Variants in STRN observed in about 807,000 individuals in gnomAD.
STRN encodes protein phosphatase 2 regulatory subunit B'''alpha.
STRN carries 53 observed loss-of-function variants against 96.3 expected under a neutral mutation model. The ratio of observed to expected loss-of-function variants is 0.55; its 90% CI spans 0.44 to 0.69. The LOEUF is 0.69. Among genes scored for constraint, STRN ranks in the 30% least tolerant of loss-of-function variants. The pLI is 0.00. For missense variants in STRN, 987 were observed against 963.9 expected (o/e 1.02, Z -0.32); for synonymous variants, 428 against 355.9 (o/e 1.20, Z -2.28).
intron 10 of STRN, among the ~76,000 whole-genome samples, chr2:36,876,118 A>G (rs1243860077): frequency 1.3e-5 from 2 of 151,856 alleles, no homozygotes; most frequent in Non-Finnish European, 2.9e-5. Flanking sequence ...AAAATAAAGG[A>G]AAGTACCTGG....
chr2:36,850,964 TGCTTTAATAAAAATCAA>T lies in STRN; in HGVS notation c.2086+19_2086+35del. ...ACTTGTGGTAGGGATTTTTTTTTTT[TGCTTTAATAAAAATCAA>T]TTCTTAATAAATTCTTACCTGTATT... On this transcript the variant is annotated intron_variant, in intron 16 of 17. Coordinates refer to ENST00000263918, the MANE Select transcript of STRN (RefSeq NM_003162.4). 2 of 1,524,682 alleles carry T rather than the reference TGCTTTAATAAAAATCAA, an allele frequency of 1.3e-6. No homozygotes were observed. Among genetic ancestry groups the T allele is most frequent in the Admixed American group, 4.1e-5 (2 of 48,238 alleles). The allele number at this position is 1,524,682 out of a possible 1,614,324, so 94.4% of individuals were successfully genotyped here.
intron 1 of STRN, among the ~76,000 whole-genome samples, chr2:36,952,597 A>T (rs1457250454): frequency 6.6e-6 from 1 of 152,192 alleles, no homozygotes; most frequent in East Asian, 1.9e-4. Context: ...TACCACATAC[A>T]GTTTTACAAG....
chr2:36,879,966 T>TAAA (rs552826713), intron 9 of STRN, among the ~76,000 whole-genome samples: 1 of 141,118 alleles, frequency 7.1e-6, no homozygotes, highest in African/African-American at 2.6e-5. Context: ...CCCTATATCT[T>TAAA]AAAAAAAAAA....
At chr2:36,867,693 T>C (rs1668664629) in intron 12 of STRN, 121 bp downstream of exon 12, 1 of 579,882 alleles carries the variant, frequency 1.7e-6, no homozygotes, top group Non-Finnish European at 2.8e-6. Flanking sequence ...TCAAATTCTT[T>C]TACATTAAAA....
chr2:36,852,315 A>G (rs1384275047), intron 15 of STRN, among the ~76,000 whole-genome samples: 1 of 152,206 alleles, frequency 6.6e-6, no homozygotes, highest in African/African-American at 2.4e-5. Flanking sequence ...AAATTAAATT[A>G]TGGTCCAGGG....
rs553395384 is a variant in STRN at position 36,902,695 on chromosome 2, A to G, written c.548T>C (p.Val183Ala). The change falls in exon 5 of 18, where the codon GTG becomes GCG. Residue 183 changes from valine (V) to alanine (A), a missense_variant. Val to Ala is a moderately conservative substitution (Grantham distance 64, BLOSUM62 0). Transcript: ENST00000263918. Reference sequence around the variant, plus strand: ...ACTTGAAAAGCCCAACAAAGCTCGCACTCGTTTAGATTTCACATCTAGAAT... The same window carrying G: ...ACTTGAAAAGCCCAACAAAGCTCGCGCTCGTTTAGATTTCACATCTAGAAT... Reference protein sequence around the residue: ...DTILDVKSKRVRALLGFSSDV... With the variant: ...DTILDVKSKRARALLGFSSDV... 1.2e-6 allele frequency: 2 copies of G among 1,610,846 alleles called. No homozygotes were observed. Among genetic ancestry groups the G allele is most frequent in the South Asian group, 1.1e-5 (1 of 90,748 alleles).
intron 8 of STRN, among the ~76,000 whole-genome samples, chr2:36,885,680 T>A (rs1158878940): frequency 3.3e-5 from 5 of 152,162 alleles, no homozygotes; most frequent in African/African-American, 1.2e-4. Flanking sequence ...TAAATGCTTT[T>A]AAGTAATAAA....
At chr2:36,920,458 G>A (rs1670223272) in intron 2 of STRN, among the ~76,000 whole-genome samples, 1 of 151,918 alleles carries the variant, frequency 6.6e-6, no homozygotes, top group Non-Finnish European at 1.5e-5. Context: ...AACCAACATG[G>A]AGAAACCCCG....
At chr2:36,941,291 A>C (rs1670839065) in intron 1 of STRN, among the ~76,000 whole-genome samples, 2 of 152,222 alleles carry the variant, frequency 1.3e-5, no homozygotes, top group Admixed American at 6.5e-5. Flanking sequence ...CTTCTGCAAA[A>C]GGGGACTATA....
intron 13 of STRN, among the ~76,000 whole-genome samples, chr2:36,858,604 G>T (rs1159291430): frequency 2.6e-5 from 4 of 152,184 alleles, no homozygotes; most frequent in African/African-American, 9.7e-5. Context: ...GGAGGGAAGT[G>T]GGGAGGTTAA....
chr2:36,900,375 A>C (rs1669651198), intron 5 of STRN, among the ~76,000 whole-genome samples: 1 of 152,196 alleles, frequency 6.6e-6, no homozygotes, highest in African/African-American at 2.4e-5. Context: ...TTACACAACT[A>C]AGAAAATAAC....
At chr2:36,946,003 T>C (rs1670972407) in intron 1 of STRN, among the ~76,000 whole-genome samples, 1 of 152,094 alleles carries the variant, frequency 6.6e-6, no homozygotes, top group South Asian at 2.1e-4. Flanking sequence ...ACCATCATGA[T>C]ACAAAGCTCT....
rs1668051503 is a variant in STRN at position 36,845,744 on chromosome 2, C to G, written c.*3712G>C. The stretch of plus-strand genomic sequence containing the variant: ...TTCTCTACTGAAATTTCTAGGAATT[C>G]ACATTCAAAATTCTTGGAAAGTATA... On this transcript the variant is annotated 3_prime_UTR_variant, in exon 18 of 18. Transcript: ENST00000263918. 6.6e-6 allele frequency: 1 copy of G among 151,938 alleles called. No homozygotes were observed. Among genetic ancestry groups the G allele is most frequent in the African/African-American group, 2.4e-5 (1 of 41,358 alleles). The allele number at this position is 151,938 out of a possible 1,614,324, so 9.4% of individuals were successfully genotyped here.
At chr2:36,953,556 C>A (rs1366307469) in intron 1 of STRN, among the ~76,000 whole-genome samples, 1 of 152,036 alleles carries the variant, frequency 6.6e-6, no homozygotes, top group Non-Finnish European at 1.5e-5. Context: ...GCACCCGCCA[C>A]CACACCAGGC....
chr2:36,911,545 G>A (rs907137141), intron 3 of STRN, among the ~76,000 whole-genome samples: 1 of 152,072 alleles, frequency 6.6e-6, no homozygotes, highest in Non-Finnish European at 1.5e-5. Flanking sequence ...TTGAGTAGCT[G>A]CAACAAACAG....
intron 1 of STRN, among the ~76,000 whole-genome samples, chr2:36,932,195 C>T (rs377467451): frequency 6.6e-6 from 1 of 152,134 alleles, no homozygotes; most frequent in South Asian, 2.1e-4. Context: ...CACTCTGTTG[C>T]CCAGGCTGGA....
At chr2:36,929,133 TAGAAA>T (rs1670501293) in intron 1 of STRN, among the ~76,000 whole-genome samples, 1 of 152,132 alleles carries the variant, frequency 6.6e-6, no homozygotes. Flanking sequence ...TTTCACAGTA[TAGAAA>T]ATTATTCACT....
At chr2:36,896,909 T>C (rs1213687182) in intron 6 of STRN, among the ~76,000 whole-genome samples, 2 of 152,192 alleles carry the variant, frequency 1.3e-5, no homozygotes, top group Admixed American at 6.5e-5. Context: ...GACTCACACC[T>C]GTAATCCCTG....
chr2:36,863,454 C>G (rs1409288927), intron 12 of STRN, among the ~76,000 whole-genome samples: 1 of 152,134 alleles, frequency 6.6e-6, no homozygotes, highest in Non-Finnish European at 1.5e-5. Flanking sequence ...TTGCTTTTGT[C>G]AACTTTGTCG....
Sources: allele counts gnomAD v4.1 joint callset (sites outside exome capture counted in the v4.1 genomes callset), GRCh38; gene constraint gnomAD v4.1.1; transcripts MANE v1.5; gene names NCBI Gene and HGNC (gene_info 2026-07-23, HGNC 2026-07-21).